Variants in HCN1 observed in about 807,000 individuals in gnomAD.
The protein encoded by HCN1 is hyperpolarization activated cyclic nucleotide gated potassium channel 1, also known as potassium/sodium hyperpolarization-activated cyclic nucleotide-gated channel 1.
A neutral mutation model predicts 78.9 loss-of-function variants in HCN1; 13 were observed. That is an observed-to-expected ratio of 0.16 (90% CI 0.11 to 0.26). HCN1 has a LOEUF of 0.26. HCN1 is among the 10% of genes least tolerant of loss of function. HCN1 has a pLI of 1.00. For missense variants in HCN1, 810 were observed against 1,154.3 expected, an observed-to-expected ratio of 0.70 and a Z score of 4.32; for synonymous variants, 552 against 455.5, an observed-to-expected ratio of 1.21 and a Z score of -2.70.
intron 2 of HCN1, among the ~76,000 whole-genome samples, chr5:45,625,714 A>T (rs1184897226): frequency 2.0e-5 from 3 of 152,146 alleles, no homozygotes; most frequent in Non-Finnish European, 2.9e-5. Context: ...AAAATAGATC[A>T]ATTCAGTGCG....
chr5:45,465,436 G>A (rs1741247640), intron 2 of HCN1, among the ~76,000 whole-genome samples: 1 of 151,988 alleles, frequency 6.6e-6, no homozygotes, highest in Non-Finnish European at 1.5e-5. Flanking sequence ...GGTATTTACA[G>A]GAGTCAACTG....
At chr5:45,316,069 G>A (rs1346278832) in intron 5 of HCN1, among the ~76,000 whole-genome samples, 2 of 152,168 alleles carry the variant, frequency 1.3e-5, no homozygotes, top group East Asian at 3.9e-4. Flanking sequence ...ATTTTATGAG[G>A]CCAGCATCAT....
chr5:45,657,474 TGCA>T (rs1397458334), intron 1 of HCN1, among the ~76,000 whole-genome samples: 1 of 152,220 alleles, frequency 6.6e-6, no homozygotes, highest in Non-Finnish European at 1.5e-5. Flanking sequence ...AGGCAGATGT[TGCA>T]CTTGCTTTTT....
At chr5:45,399,875 G>A (rs1463961532) in intron 3 of HCN1, among the ~76,000 whole-genome samples, 2 of 151,990 alleles carry the variant, frequency 1.3e-5, no homozygotes, top group African/African-American at 4.8e-5. Context: ...TTTAACACAA[G>A]AAAATTAGTT....
intron 6 of HCN1, among the ~76,000 whole-genome samples, chr5:45,294,350 C>T (rs75857902): frequency 0.03 from 4,557 of 151,970 alleles, 269 homozygotes; most frequent in African/African-American, 0.1. Flanking sequence ...TCTGCCAGTC[C>T]CTTCACAGCT....
intron 2 of HCN1, among the ~76,000 whole-genome samples, chr5:45,511,252 T>A (rs543437228): frequency 6.6e-6 from 1 of 152,086 alleles, no homozygotes; most frequent in African/African-American, 2.4e-5. Flanking sequence ...AAATAAATGA[T>A]TGAATCAAGA....
intron 5 of HCN1, among the ~76,000 whole-genome samples, chr5:45,307,879 C>T (rs891183283): frequency 2.0e-5 from 3 of 151,978 alleles, no homozygotes; most frequent in East Asian, 1.9e-4. Flanking sequence ...GTATTAAAAA[C>T]GGGGGAAATT....
intron 5 of HCN1, among the ~76,000 whole-genome samples, chr5:45,325,127 G>A (rs1443101032): frequency 2.0e-5 from 3 of 151,630 alleles, no homozygotes; most frequent in African/African-American, 7.3e-5. Context: ...AGGTAGACAA[G>A]GAGAAAAAAA....
At chr5:45,286,511 C>T (rs1328564453) in intron 6 of HCN1, among the ~76,000 whole-genome samples, 7 of 151,916 alleles carry the variant, frequency 4.6e-5, no homozygotes, top group African/African-American at 7.2e-5. Context: ...AAAATGAATG[C>T]AATTAAGATT....
chr5:45,639,417 A>G (rs541632280), intron 2 of HCN1, among the ~76,000 whole-genome samples: 1 of 152,320 alleles, frequency 6.6e-6, no homozygotes, highest in Admixed American at 6.5e-5. Context: ...TAACTTCCAT[A>G]TGCTTCATTT....
At chr5:45,522,182 C>G (rs1026194400) in intron 2 of HCN1, among the ~76,000 whole-genome samples, 1 of 151,782 alleles carries the variant, frequency 6.6e-6, no homozygotes, top group African/African-American at 2.4e-5. Context: ...TAATTTTATT[C>G]CCCTAAGTTG....
At chr5:45,676,660 G>A (rs1746272631) in intron 1 of HCN1, among the ~76,000 whole-genome samples, 2 of 151,186 alleles carry the variant, frequency 1.3e-5, no homozygotes, top group African/African-American at 4.9e-5. Context: ...GAGAATATTT[G>A]CAGTCTCAAG....
chr5:45,633,456 G>C (rs1420275282), intron 2 of HCN1, among the ~76,000 whole-genome samples: 1 of 151,928 alleles, frequency 6.6e-6, no homozygotes, highest in African/African-American at 2.4e-5. Flanking sequence ...TTTCTAAATA[G>C]ATAGTGGAGG....
At chr5:45,533,129 T>A (rs866127808) in intron 2 of HCN1, among the ~76,000 whole-genome samples, 27 of 152,152 alleles carry the variant, frequency 1.8e-4, no homozygotes, top group African/African-American at 6.0e-4. Context: ...AGGTTCAGAG[T>A]AAGCTTTGCA....
intron 5 of HCN1, among the ~76,000 whole-genome samples, chr5:45,334,216 A>C (rs769849775): frequency 6.6e-5 from 10 of 151,854 alleles, no homozygotes; most frequent in Non-Finnish European, 1.5e-4. Context: ...TTTATTCTCT[A>C]GTTTATTTTC....
intron 2 of HCN1, among the ~76,000 whole-genome samples, chr5:45,635,216 T>A (rs550407819): frequency 6.6e-6 from 1 of 152,078 alleles, no homozygotes. Context: ...AGCACTTTCA[T>A]ATGAATTTTC....
chr5:45,365,818 G>T lies in HCN1; in HGVS notation c.1231-12572C>A, dbSNP rs150188362. 1.1e-3 allele frequency among the ~76,000 whole-genome samples: 160 copies of T among 151,848 alleles called. 2 individuals are homozygous for T. The highest frequency in any genetic ancestry group is 6.8e-3 in the Middle Eastern group (2 of 292). On this transcript the variant is annotated intron_variant, in intron 4 of 7. Transcript: ENST00000303230. ...ACTTCTAATGATACAGTAGAAACAA[G>T]CAAGTCAGACACCTATTTGTTGTCA...
chr5:45,348,848 T>C (rs1746813898), intron 5 of HCN1, among the ~76,000 whole-genome samples: 1 of 152,112 alleles, frequency 6.6e-6, no homozygotes, highest in Non-Finnish European at 1.5e-5. Flanking sequence ...ATGCATCCAA[T>C]ACAGGAGCAC....
intron 2 of HCN1, among the ~76,000 whole-genome samples, chr5:45,609,676 A>T (rs1444674096): frequency 6.6e-6 from 1 of 152,142 alleles, no homozygotes; most frequent in Non-Finnish European, 1.5e-5. Context: ...GCCATACTAT[A>T]TATTCACGCC....
Sources: allele counts gnomAD v4.1 joint callset (sites outside exome capture counted in the v4.1 genomes callset), GRCh38; gene constraint gnomAD v4.1.1; transcripts MANE v1.5; gene names NCBI Gene and HGNC (gene_info 2026-07-23, HGNC 2026-07-21).